Variants in DNAI3 observed in about 807,000 individuals in gnomAD.
The protein encoded by DNAI3 is dynein axonemal intermediate chain 3, also known as WD repeat domain 63.
DNAI3 carries 83 observed loss-of-function variants against 115.5 expected under a neutral mutation model. The ratio of observed to expected loss-of-function variants is 0.72; its 90% CI spans 0.60 to 0.86. The LOEUF is 0.86. Among genes scored for constraint, DNAI3 ranks in the 40% least tolerant of loss-of-function variants. DNAI3 has a pLI of 0.00. For synonymous variants in DNAI3, 320 were observed against 347.0 expected (o/e 0.92, Z 0.86); for missense variants, 1,004 against 1,075.8 (o/e 0.93, Z 0.93).
intron 22 of DNAI3, among the ~76,000 whole-genome samples, chr1:85,130,700 GATAGATAGATAGATAGATAA>G (rs1423714150): frequency 6.1e-4 from 90 of 146,894 alleles, no homozygotes; most frequent in African/African-American, 1.0e-3. Context: ...TAGATAGATA[GATAGATAGATAGATAGATAA>G]ATAGATATGA....
rs1178456202 is a variant in DNAI3 at position 85,108,127 on chromosome 1, G to A, written c.1648G>A (p.Val550Ile). 1.2e-6 allele frequency: 2 copies of A among 1,609,216 alleles called. No homozygotes were observed. The highest frequency in any genetic ancestry group is 1.1e-5 in the South Asian group (1 of 89,974). The change falls in exon 15 of 23, where the codon GTA becomes ATA. Residue 550 changes from valine to isoleucine, a missense_variant. Val to Ile is a conservative substitution (Grantham distance 29). Transcript: ENST00000294664. ...KEESIEIPFD[V>I]PSTFLHLDLS... The stretch of plus-strand genomic sequence containing the variant: ...GGAAAGTATTGAAATTCCTTTTGAT[G>A]TACCATCTACTTTTTTGCATCTGGA...
intron 6 of DNAI3, among the ~76,000 whole-genome samples, chr1:85,085,629 C>T (rs1654778457): frequency 1.3e-5 from 2 of 152,206 alleles, no homozygotes; most frequent in African/African-American, 2.4e-5. Flanking sequence ...TTTGCACCTG[C>T]TGGCAAAGTG....
At position 85,081,234 on chromosome 1, in the gene DNAI3, G is replaced by A. The variant is rs752477436; in HGVS notation, c.104G>A (p.Gly35Asp). Residue 35 changes from glycine (G) to aspartate (D), a missense_variant and splice_region_variant, in exon 4 of 23, where the codon GGT becomes GAT. By Grantham distance (94) the Gly-to-Asp change is moderately conservative. Coordinates refer to ENST00000294664, the MANE Select transcript of DNAI3 (RefSeq NM_145172.5). Reference protein sequence around the residue: ...DMEPVNMESMGHPEIYPLVLT... With the variant: ...DMEPVNMESMDHPEIYPLVLT... ...CCAAATTCCACTTTGTCTTTCCTAG[G>A]TCATCCAGAAATTTATCCTTTAGTA... 7.0e-6 allele frequency: 11 copies of A among 1,570,938 alleles called. No individual in the cohort carries two copies. The highest frequency in any genetic ancestry group is 1.2e-5 in the South Asian group (1 of 81,576).
chr1:85,082,191 G>A (rs770807253), intron 4 of DNAI3, 109 bp from the exon 5 acceptor site: 12 of 842,602 alleles, frequency 1.4e-5, no homozygotes. Flanking sequence ...TAGCACAATG[G>A]TTATCTTCTA....
intron 19 of DNAI3, among the ~76,000 whole-genome samples, chr1:85,126,250 G>A (rs1656129469): frequency 6.6e-6 from 1 of 152,110 alleles, no homozygotes. Flanking sequence ...TTAGAAGTTG[G>A]ATTATTAGAA....
chr1:85,117,901 T>C, intron 17 of DNAI3, 42 bp downstream of exon 17: 1 of 1,585,528 alleles, frequency 6.3e-7, no homozygotes, highest in Admixed American at 1.7e-5. Context: ...TACTTATTTA[T>C]ACTAAAATAT....
chr1:85,065,029 T>C (rs1037219333), intron 1 of DNAI3, among the ~76,000 whole-genome samples: 1 of 152,248 alleles, frequency 6.6e-6, no homozygotes, highest in Non-Finnish European at 1.5e-5. Flanking sequence ...CAAGACTCTG[T>C]CTCAATTTAA....
chr1:85,090,263 A>G, intron 8 of DNAI3, 31 bp downstream of exon 8: 1 of 1,275,504 alleles, frequency 7.8e-7, no homozygotes, highest in Non-Finnish European at 1.1e-6. Flanking sequence ...TTTTAAAAAT[A>G]AAACATAAAA....
chr1:85,100,703 G>A (rs1472124204), intron 13 of DNAI3, among the ~76,000 whole-genome samples: 1 of 152,160 alleles, frequency 6.6e-6, no homozygotes, highest in Non-Finnish European at 1.5e-5. Context: ...ATTCACAATA[G>A]CAAAGACTTG....
intron 17 of DNAI3, among the ~76,000 whole-genome samples, chr1:85,118,238 T>G (rs1444436113): frequency 1.3e-5 from 2 of 152,148 alleles, no homozygotes; most frequent in African/African-American, 4.8e-5. Flanking sequence ...ACTCACTCAT[T>G]TCAAAAGATA....
In DNAI3 at chr1:85,128,787, T is replaced by C. The variant is rs1382227892; in HGVS notation, c.2397T>C (p.Pro799=). ...AAATTCCTTGGACATTAAGTCGCCCTTCCACCAATGAGGTTAGTAACTAAC... is the reference window on the plus strand; with the variant it reads ...AAATTCCTTGGACATTAAGTCGCCCCTCCACCAATGAGGTTAGTAACTAAC... The part of the protein sequence containing the change: ...ILEIPWTLSR[P]STNEMASVNH... Residue 799 remains proline, a synonymous_variant, in exon 21 of 23, where the codon CCT becomes CCC. Transcript: ENST00000294664. 1.9e-6 allele frequency: 3 copies of C among 1,612,774 alleles called. No homozygotes were observed. Among genetic ancestry groups the C allele is most frequent in the East Asian group, 4.5e-5 (2 of 44,848 alleles).
chr1:85,104,429 C>A, intron 13 of DNAI3, 95 bp from the exon 14 acceptor site: 1 of 1,132,442 alleles, frequency 8.8e-7, no homozygotes, highest in Non-Finnish European at 1.3e-6. Flanking sequence ...CCGGTATGTT[C>A]TTTTATTAAC....
At chr1:85,091,591 G>T (rs1654978038) in intron 8 of DNAI3, among the ~76,000 whole-genome samples, 1 of 152,166 alleles carries the variant, frequency 6.6e-6, no homozygotes, top group Admixed American at 6.5e-5. Context: ...GCCTGATTTT[G>T]TTCTGGAAGA....
In DNAI3 at chr1:85,099,126, T is replaced by C. The variant is rs76376602; in HGVS notation, c.1479+468T>C. On this transcript the variant is annotated intron_variant, in intron 13 of 22. Transcript: ENST00000294664. ...TGTGCAGTCTGTGAGCCCAGCTGACTGCCCAGCTTCTGCACTGGTGTTTGT... is the reference window on the plus strand; with the variant it reads ...TGTGCAGTCTGTGAGCCCAGCTGACCGCCCAGCTTCTGCACTGGTGTTTGT... Among the ~76,000 whole-genome samples the C allele has an allele frequency of 5.8e-4, 88 of 152,314 alleles. 1 individual carries two copies. The East Asian group carries it at 0.015, about 26-fold the overall frequency.
intron 16 of DNAI3, among the ~76,000 whole-genome samples, chr1:85,115,261 A>C (rs370416449): frequency 6.6e-6 from 1 of 152,240 alleles, no homozygotes; most frequent in Non-Finnish European, 1.5e-5. Context: ...TGAGTTATAC[A>C]CGAAGCTCTC....
chr1:85,099,061 G>T (rs1438090429), intron 13 of DNAI3, among the ~76,000 whole-genome samples: 2 of 152,196 alleles, frequency 1.3e-5, no homozygotes, highest in Non-Finnish European at 2.9e-5. Context: ...GGCACAATCT[G>T]GAATTGAGTG....
chr1:85,123,313 GA>G (rs111779242), intron 18 of DNAI3, among the ~76,000 whole-genome samples: 5,848 of 152,212 alleles, frequency 0.038, 365 homozygotes, highest in African/African-American at 0.13. Context: ...GTCTCACTTG[GA>G]GACCTAAAGG....
chr1:85,120,244 T>C (rs1655958891), intron 17 of DNAI3, among the ~76,000 whole-genome samples: 1 of 152,180 alleles, frequency 6.6e-6, no homozygotes, highest in African/African-American at 2.4e-5. Flanking sequence ...TGGATAGAGA[T>C]GTTCAGGGAG....
intron 3 of DNAI3, among the ~76,000 whole-genome samples, chr1:85,076,536 T>TA (rs1654459024): frequency 6.6e-6 from 1 of 152,212 alleles, no homozygotes; most frequent in African/African-American, 2.4e-5. Context: ...CTCACAGTTC[T>TA]ACATGGCTGG....
Sources: gnomAD v4.1 joint callset for allele counts (sites outside exome capture counted in the v4.1 genomes callset) on GRCh38, gnomAD v4.1.1 for gene constraint, MANE v1.5 for transcripts, NCBI Gene and HGNC (gene_info 2026-07-23, HGNC 2026-07-21) for gene names.